CCDC66: variants seen among roughly 807,000 people sequenced by gnomAD.
CCDC66 encodes the protein coiled-coil domain-containing protein 66.
Under a neutral mutation model 128.3 loss-of-function variants are expected in CCDC66, and 133 were observed. The observed-to-expected ratio is 1.04, with a 90% CI of 0.90 to 1.20. The LOEUF is 1.20. Ranked by LOEUF, CCDC66 falls within the 50% of genes most tolerant of loss-of-function variation. The pLI is 0.00. For synonymous variants in CCDC66, 387 were observed against 357.0 expected (o/e 1.08, Z -0.95); for missense variants, 1,126 against 1,075.5 (o/e 1.05, Z -0.66).
At chr3:56,573,940 A>T (rs927620823) in intron 7 of CCDC66, among the ~76,000 whole-genome samples, 21 of 151,806 alleles carry the variant, frequency 1.4e-4, no homozygotes, top group African/African-American at 3.4e-4. Context: ...TATTTAAAAA[A>T]TTTTTGGAAT....
In CCDC66 at chr3:56,621,647, A is replaced by G. The variant is rs756610691; in HGVS notation, c.*29A>G. 6.1e-5 allele frequency: 89 copies of G among 1,464,526 alleles called. No homozygotes were observed. The highest frequency in any genetic ancestry group is 8.4e-5 in the Non-Finnish European group (89 of 1,059,656). 90.7% of individuals were successfully genotyped at this position (1,464,526 alleles called of 1,614,324 possible). ...TAGAAAATCAAATCCTTCACATTTG[A>G]TTTGTGTCTTCCAAATTATAAAATG... On this transcript the variant is annotated 3_prime_UTR_variant, in exon 18 of 18. Coordinates refer to ENST00000394672, the MANE Select transcript of CCDC66 (RefSeq NM_001141947.3).
At chr3:56,618,413 G>T (rs760560045) in intron 15 of CCDC66, 1 of 510,338 alleles carries the variant, frequency 2.0e-6, no homozygotes, top group Non-Finnish European at 3.5e-6. Flanking sequence ...ACTGGGCCTA[G>T]GCAGGAATGT....
At chr3:56,557,288 G>A in intron 1 of CCDC66, 35 bp downstream of exon 1, 1 of 1,550,716 alleles carries the variant, frequency 6.4e-7, no homozygotes, top group Non-Finnish European at 8.7e-7. Flanking sequence ...GCTGGGGTAA[G>A]CAAGGTGGTC....
Position 56,619,407 on chromosome 3 carries a change from G to A in CCDC66, c.2515G>A (p.Gly839Arg). The change falls in exon 16 of 18, where the codon GGG becomes AGG. Residue 839 changes from glycine (G) to arginine (R), a missense_variant. Transcript: ENST00000394672. ...SGSNQTELSS[G>R]ISESSHFIPY... ...AAGTAATCAAACAGAATTATCATCT[G>A]GGATTTCTGAATCATCCCATTTTAT... 6.2e-7 allele frequency: 1 copy of A among 1,613,980 alleles called. No homozygotes were observed. Among genetic ancestry groups the A allele is most frequent in the South Asian group, 1.1e-5 (1 of 91,076 alleles).
intron 1 of CCDC66, 148 bp downstream of exon 1, chr3:56,557,401 G>A: frequency 9.1e-7 from 1 of 1,101,980 alleles, no homozygotes; most frequent in Non-Finnish European, 1.3e-6. Flanking sequence ...CCAGTTCTCG[G>A]GTAGAAGATC....
chr3:56,596,454 G>A (rs1225639551), intron 10 of CCDC66, among the ~76,000 whole-genome samples: 1 of 144,372 alleles, frequency 6.9e-6, no homozygotes, highest in Non-Finnish European at 1.6e-5. Context: ...ATTCTGGATA[G>A]TAGCCCTTTG....
chr3:56,559,627 C>G (rs879557794), intron 3 of CCDC66, 33 bp downstream of exon 3: 25 of 1,494,044 alleles, frequency 1.7e-5, no homozygotes, highest in African/African-American at 2.9e-5. Context: ...GACCTGTTTT[C>G]AAATGTAAAA....
chr3:56,605,521 A>G (rs1266921701), intron 10 of CCDC66, among the ~76,000 whole-genome samples: 1 of 152,012 alleles, frequency 6.6e-6, no homozygotes, highest in Non-Finnish European at 1.5e-5. Context: ...TCTAATAGTC[A>G]GGCCCCTCTG....
At chr3:56,602,707 G>A (rs2073390916) in intron 10 of CCDC66, among the ~76,000 whole-genome samples, 1 of 151,706 alleles carries the variant, frequency 6.6e-6, no homozygotes, top group Admixed American at 6.6e-5. Context: ...AGACTTGGGA[G>A]GGTGTATGTG....
chr3:56,593,358 T>G, intron 8 of CCDC66, 133 bp from the exon 9 acceptor site: 1 of 988,256 alleles, frequency 1.0e-6, no homozygotes, highest in Non-Finnish European at 1.5e-6. Flanking sequence ...CTCTAAACAG[T>G]ACAGTCTTGT....
At chr3:56,578,762 A>C (rs183416900) in intron 7 of CCDC66, among the ~76,000 whole-genome samples, 1 of 151,988 alleles carries the variant, frequency 6.6e-6, no homozygotes, top group South Asian at 2.1e-4. Context: ...TAAGAAGCCA[A>C]CTTGATCATG....
chr3:56,606,048 TC>T (rs2074023103), intron 10 of CCDC66, among the ~76,000 whole-genome samples: 1 of 152,018 alleles, frequency 6.6e-6, no homozygotes, highest in African/African-American at 2.4e-5. Context: ...AGTTCGATCT[TC>T]CAGGCCGCTT....
chr3:56,619,778 C>A lies in CCDC66; in HGVS notation c.2637C>A (p.Asp879Glu). 6.2e-7 allele frequency: 1 copy of A among 1,613,848 alleles called. No individual in the cohort carries two copies. The highest frequency in any genetic ancestry group is 8.5e-7 in the Non-Finnish European group (1 of 1,179,920). The change falls in exon 17 of 18, where the codon GAC becomes GAA. Residue 879 changes from aspartate to glutamate, a missense_variant and splice_region_variant. Transcript: ENST00000394672. ...TQDPQYQNSQ[D>E]CGQKRQLFDS... Reference sequence around the variant, plus strand: ...CTTGTTACTTTCATCTGGCTTTAGACTGTGGCCAAAAACGACAGCTATTTG... The same window carrying A: ...CTTGTTACTTTCATCTGGCTTTAGAATGTGGCCAAAAACGACAGCTATTTG...
rs1359871428 is a variant in CCDC66 at position 56,619,252 on chromosome 3, C to CTAT, written c.2379-17_2379-15dup. The CTAT allele has an allele frequency of 2.6e-6, 4 of 1,524,172 alleles. No individual in the cohort carries two copies. The highest frequency in any genetic ancestry group is 3.5e-6 in the Non-Finnish European group (4 of 1,132,164). 94.4% of individuals were successfully genotyped at this position (1,524,172 alleles called of 1,614,324 possible). On this transcript the variant is annotated intron_variant, in intron 15 of 17. Coordinates refer to ENST00000394672, the MANE Select transcript of CCDC66 (RefSeq NM_001141947.3). ...CTTAATCTAAATACACAATTTTTTA[C>CTAT]TATTTTTTTTTTAAATAGGTCTCCA...
At chr3:56,573,341 AG>A (rs2066891969) in intron 7 of CCDC66, among the ~76,000 whole-genome samples, 1 of 152,234 alleles carries the variant, frequency 6.6e-6, no homozygotes, top group Non-Finnish European at 1.5e-5. Context: ...TCTCATCAGC[AG>A]TTGCAACCTG....
chr3:56,598,898 T>TTC (rs1408149730), intron 10 of CCDC66, among the ~76,000 whole-genome samples: 5 of 152,196 alleles, frequency 3.3e-5, no homozygotes, highest in Admixed American at 6.5e-5. Flanking sequence ...TGTTGTGTCC[T>TTC]TCTCTGGCTT....
intron 7 of CCDC66, among the ~76,000 whole-genome samples, chr3:56,573,927 AG>A (rs1277253485): frequency 4.0e-5 from 6 of 150,124 alleles, no homozygotes; most frequent in Non-Finnish European, 8.9e-5. Context: ...AAAACAATAA[AG>A]TTATTTAAAA....
intron 6 of CCDC66, among the ~76,000 whole-genome samples, chr3:56,567,931 C>G (rs960703740): frequency 6.6e-6 from 1 of 152,132 alleles, no homozygotes; most frequent in Non-Finnish European, 1.5e-5. Flanking sequence ...ACCTCATGAT[C>G]CACCTGCCTC....
chr3:56,586,343 A>G (rs2069720136), intron 7 of CCDC66, among the ~76,000 whole-genome samples: 1 of 151,540 alleles, frequency 6.6e-6, no homozygotes, highest in Admixed American at 6.6e-5. Context: ...CCTGGCCAAC[A>G]TGGTGAAACC....
Sources: allele counts gnomAD v4.1 joint callset (sites outside exome capture counted in the v4.1 genomes callset), GRCh38; gene constraint gnomAD v4.1.1; transcripts MANE v1.5; gene names NCBI Gene and HGNC (gene_info 2026-07-23, HGNC 2026-07-21).